KIF17: variants seen among roughly 807,000 people sequenced by gnomAD.
KIF17 encodes the protein kinesin family member 17, also known as kinesin-like protein KIF17.
KIF17 carries 80 observed loss-of-function variants against 96.8 expected under a neutral mutation model. That is an observed-to-expected ratio of 0.83 (90% CI 0.69 to 1.00). KIF17 has a LOEUF of 1.00. Ranked by LOEUF, KIF17 falls within the 50% of genes least tolerant of loss-of-function variation. The pLI is 0.00. For synonymous variants in KIF17, 567 were observed against 587.5 expected (o/e 0.97, Z 0.51); for missense variants, 1,280 against 1,372.9 (o/e 0.93, Z 1.07).
rs765233832 is a variant in KIF17, at chr1:20,704,834, G to A, written c.736C>T (p.Arg246Trp). The change falls in exon 5 of 15, where the codon CGG becomes TGG. Residue 246 changes from arginine (R) to tryptophan (W), a missense_variant. By Grantham distance (101) the Arg-to-Trp change is moderately radical. Coordinates refer to ENST00000400463, the MANE Select transcript of KIF17 (RefSeq NM_001122819.3). The surrounding 1 kb of genome is among the most constrained non-coding windows in gnomAD (Gnocchi z 6.8). ...CCCGTGGCCCCGGTCTTGGACTGCC[G>A]CTCGCTGCCCGCCAGGTCCACCAGG... ...LNLVDLAGSE[R>W]QSKTGATGER... 1.1e-5 allele frequency: 18 copies of A among 1,605,340 alleles called. No individual in the cohort carries two copies. In the Middle Eastern group the frequency reaches 6.6e-4, roughly 59 times the overall value.
intron 4 of KIF17, among the ~76,000 whole-genome samples, chr1:20,707,240 A>C (rs573045761): frequency 6.6e-6 from 1 of 152,326 alleles, no homozygotes; most frequent in African/African-American, 2.4e-5. Flanking sequence ...CTCAGATGAG[A>C]AAAAGCTTTG....
chr1:20,704,997 G>A lies in KIF17; in HGVS notation c.671-98C>T, dbSNP rs1570474249. On this transcript the variant is annotated intron_variant, in intron 4 of 14. Transcript: ENST00000400463. This position sits in a 1 kb window ranked among gnomAD's most constrained non-coding sequence, Gnocchi z 6.8. ...ACTGGGTGCTCAATGCCCACCCACC[G>A]AGGGTTCCCCTCAGCTGCACAGGAG... is the stretch of plus-strand genomic sequence containing the variant. 1.9e-5 allele frequency: 21 copies of A among 1,096,278 alleles called. No homozygotes were observed. The highest frequency in any genetic ancestry group is 2.4e-5 in the Non-Finnish European group (18 of 735,544). 67.9% of individuals were successfully genotyped at this position (1,096,278 alleles called of 1,614,324 possible).
chr1:20,682,715 A>G lies in KIF17; in HGVS notation c.2401T>C (p.Tyr801His). Residue 801 changes from tyrosine to histidine, a missense_variant, in exon 11 of 15, where the codon TAC becomes CAC. By Grantham distance (83) the Tyr-to-His change is moderately conservative. Transcript: ENST00000400463. Reference sequence around the variant, plus strand: ...CGCACTTCCTCCTGGATGGAGTCGTAGACGTTAAGCAGCACCCAGTCCCCG... The same window carrying G: ...CGCACTTCCTCCTGGATGGAGTCGTGGACGTTAAGCAGCACCCAGTCCCCG... ...DSGDWVLLNVYDSIQEEVRAK... is the reference protein window; with the variant it reads ...DSGDWVLLNVHDSIQEEVRAK... 6.2e-7 allele frequency: 1 copy of G among 1,613,836 alleles called. No homozygotes were observed. The highest frequency in any genetic ancestry group is 8.5e-7 in the Non-Finnish European group (1 of 1,180,024).
chr1:20,715,306 G>A (rs1247218682), intron 2 of KIF17, among the ~76,000 whole-genome samples, 187 bp downstream of exon 2: 1 of 152,224 alleles, frequency 6.6e-6, no homozygotes, highest in Non-Finnish European at 1.5e-5. Flanking sequence ...TGAGAGAAAA[G>A]CATGGACAGA....
rs141623204 is a variant in KIF17 at position 20,687,446 on chromosome 1, G to A, written c.1880C>T (p.Ser627Phe). The change falls in exon 8 of 15, where the codon TCC becomes TTC. Residue 627 changes from serine to phenylalanine, a missense_variant. Ser to Phe is a radical substitution (Grantham distance 155). Transcript: ENST00000400463. This position sits in a 1 kb window ranked among gnomAD's most constrained non-coding sequence, Gnocchi z 4.4. ...AEVEAKLARLSSTVARTDAPQ... is the reference protein window; with the variant it reads ...AEVEAKLARLFSTVARTDAPQ... ...TGCATCTGTCCTGGCCACGGTGGAGGAGAGTCTGGCCAGCTTGGCTTCCAC... is the reference window on the plus strand; with the variant it reads ...TGCATCTGTCCTGGCCACGGTGGAGAAGAGTCTGGCCAGCTTGGCTTCCAC... The A allele has an allele frequency of 7.4e-6, 12 of 1,613,982 alleles. No individual in the cohort carries two copies. The highest frequency in any genetic ancestry group is 1.7e-5 in the Admixed American group (1 of 60,030).
chr1:20,674,531 C>T (rs1172400439), intron 11 of KIF17, among the ~76,000 whole-genome samples: 1 of 151,160 alleles, frequency 6.6e-6, no homozygotes, highest in Non-Finnish European at 1.5e-5. Flanking sequence ...TCCCAAAGTG[C>T]TGGGATTATA....
In KIF17 at chr1:20,712,750, A is replaced by T. The variant is rs184369175; in HGVS notation, c.480+704T>A. ...TATATCTATATATATTATATATATA[A>T]AATTATATTATATCTATATATAATA... On this transcript the variant is annotated intron_variant, in intron 3 of 14. Transcript: ENST00000400463. Among the ~76,000 whole-genome samples, 76 of 32,584 alleles carry T rather than the reference A, an allele frequency of 2.3e-3. 10 individuals carry two copies. Among genetic ancestry groups the T allele is most frequent in the Non-Finnish European group, 4.2e-3 (57 of 13,636 alleles). 21.4% of individuals were successfully genotyped at this position (32,584 alleles called of 152,430 possible).
Position 20,684,916 on chromosome 1 carries a change from C to A in KIF17, c.2124G>T (p.Glu708Asp). ...TCACACCAGCTGTGGCCGGCAGGGG[C>A]TCAGGCTGAGCCACCAGGGCCACCG... ...QAPVALVAQP[E>D]PLPATAGVKR... The change falls in exon 10 of 15, where the codon GAG (glutamate) becomes GAT (aspartate). Residue 708 changes from glutamate to aspartate, a missense_variant. Physicochemically the swap from Glu to Asp is conservative, Grantham distance 45 (BLOSUM62 2). Transcript: ENST00000400463. 1.3e-6 allele frequency: 2 copies of A among 1,595,332 alleles called. No homozygotes were observed. The highest frequency in any genetic ancestry group is 1.7e-6 in the Non-Finnish European group (2 of 1,171,596).
In KIF17 at chr1:20,670,480, C is replaced by T. The variant is rs1476561096; in HGVS notation, c.2731G>A (p.Gly911Arg). ...TTGCGGGCTGGTTTGTTCTGTGGCC[C>T]AGTTGAAACTGCTATGAGAAAACAA... The part of the protein sequence containing the change: ...TKTSLPVVST[G>R]PQNKPARKTS... Residue 911 changes from glycine (G) to arginine (R), a missense_variant, in exon 13 of 15, where the codon GGG becomes AGG. Transcript: ENST00000400463. 1.2e-6 allele frequency: 2 copies of T among 1,614,020 alleles called. No individual in the cohort carries two copies. Among genetic ancestry groups the T allele is most frequent in the South Asian group, 1.1e-5 (1 of 91,082 alleles).
intron 1 of KIF17, among the ~76,000 whole-genome samples, chr1:20,716,930 T>C (rs2054587900): frequency 1.3e-5 from 2 of 152,116 alleles, no homozygotes; most frequent in South Asian, 2.1e-4. Flanking sequence ...GCCCAGAGAA[T>C]TGTTCTGAGA....
chr1:20,701,222 C>T (rs1331003424), intron 5 of KIF17, among the ~76,000 whole-genome samples: 2 of 152,070 alleles, frequency 1.3e-5, no homozygotes, highest in African/African-American at 4.8e-5. Flanking sequence ...TCACGAGGTC[C>T]TGATTGAGAC....
At chr1:20,691,931 T>A (rs1213839510) in intron 6 of KIF17, among the ~76,000 whole-genome samples, 2 of 152,168 alleles carry the variant, frequency 1.3e-5, no homozygotes, top group Non-Finnish European at 2.9e-5. Flanking sequence ...TTCACCCACT[T>A]CTCTCCATCT....
Position 20,712,632 on chromosome 1 carries a change from A to ATATATATAATATAGATAATATTATC in KIF17, c.480+797_480+821dup, listed in dbSNP as rs1244138684. On this transcript the variant is annotated intron_variant, in intron 3 of 14. Coordinates refer to ENST00000400463, the MANE Select transcript of KIF17 (RefSeq NM_001122819.3). ...TATATATATAATATAGATAATATCTATATATATAATATAGATAATATTATC... is the reference window on the plus strand; with the variant it reads ...TATATATATAATATAGATAATATCTATATATATAATATAGATAATATTATCTATATATAATATAGATAATATTATC... Among the ~76,000 whole-genome samples the ATATATATAATATAGATAATATTATC allele has an allele frequency of 7.2e-3, 194 of 26,832 alleles. 11 individuals are homozygous for ATATATATAATATAGATAATATTATC. Among genetic ancestry groups the ATATATATAATATAGATAATATTATC allele is most frequent in the African/African-American group, 0.019 (167 of 8,662 alleles). The allele number at this position is 26,832 out of a possible 152,430, so 17.6% of individuals were successfully genotyped here.
In KIF17 at chr1:20,690,060, G is replaced by A. The variant is rs536207814; in HGVS notation, c.1381+128C>T. 434 of 982,848 alleles carry A rather than the reference G, an allele frequency of 4.4e-4. 3 individuals are homozygous for A. The highest frequency in any genetic ancestry group is 3.7e-3 in the South Asian group (257 of 70,236). The allele number at this position is 982,848 out of a possible 1,614,324, so 60.9% of individuals were successfully genotyped here. A position where few individuals can be genotyped will look rare whatever the true frequency, so the allele number is the denominator to read the frequency against. On this transcript the variant is annotated intron_variant, in intron 7 of 14. Coordinates refer to ENST00000400463, the MANE Select transcript of KIF17 (RefSeq NM_001122819.3). Reference sequence around the variant, plus strand: ...CATAATTGTGGTACCTACCTTACTGGACCATTGTGAGGATAAAACAGACCT... The same window carrying A: ...CATAATTGTGGTACCTACCTTACTGAACCATTGTGAGGATAAAACAGACCT...
At chr1:20,682,632 G>A in intron 11 of KIF17, 21 bp downstream of exon 11, 1 of 1,608,324 alleles carries the variant, frequency 6.2e-7, no homozygotes, top group Middle Eastern at 1.7e-4. Context: ...CTGGGCATGG[G>A]GGGCTGCATC....
chr1:20,664,830 G>A, intron 14 of KIF17, 68 bp from the exon 15 acceptor site: 1 of 1,452,658 alleles, frequency 6.9e-7, no homozygotes, highest in East Asian at 2.3e-5. Flanking sequence ...TGCCCCAAGT[G>A]GGTAGGATGG....
At position 20,682,721 on chromosome 1, in the gene KIF17, T is replaced by C. The variant is rs1317544011; in HGVS notation, c.2395A>G (p.Asn799Asp). The change falls in exon 11 of 15, where the codon AAC becomes GAC. Residue 799 changes from asparagine (N) to aspartate (D), a missense_variant. Physicochemically the swap from Asn to Asp is conservative, Grantham distance 23. Coordinates refer to ENST00000400463, the MANE Select transcript of KIF17 (RefSeq NM_001122819.3). The part of the protein sequence containing the change: ...DEDSGDWVLL[N>D]VYDSIQEEVR... The stretch of plus-strand genomic sequence containing the variant: ...TCCTCCTGGATGGAGTCGTAGACGT[T>C]AAGCAGCACCCAGTCCCCGCTGTCC... 1 of 1,613,720 alleles carries C rather than the reference T, an allele frequency of 6.2e-7. No homozygotes were observed. The highest frequency in any genetic ancestry group is 1.3e-5 in the African/African-American group (1 of 74,912).
chr1:20,699,052 T>C lies in KIF17; in HGVS notation c.1124-564A>G, dbSNP rs1570466512. ...GAGGCCTCAAATTCCTGGGCTCAAA[T>C]GATCCTCCCACCTGAGCCTCCTGAG... On this transcript the variant is annotated intron_variant, in intron 5 of 14. Coordinates refer to ENST00000400463, the MANE Select transcript of KIF17 (RefSeq NM_001122819.3). This position sits in a 1 kb window ranked among gnomAD's most constrained non-coding sequence, Gnocchi z 4.3. 6.6e-6 allele frequency among the ~76,000 whole-genome samples: 1 copy of C among 152,140 alleles called. No homozygotes were observed. The highest frequency in any genetic ancestry group is 1.9e-4 in the East Asian group (1 of 5,192).
At chr1:20,708,845 T>C (rs2054387922) in intron 4 of KIF17, among the ~76,000 whole-genome samples, 1 of 152,170 alleles carries the variant, frequency 6.6e-6, no homozygotes, top group African/African-American at 2.4e-5. Context: ...CCTTCCTCTT[T>C]GCTTTCTCGG....
Sources: gnomAD v4.1 joint callset for allele counts (sites outside exome capture counted in the v4.1 genomes callset) on GRCh38, gnomAD v4.1.1 for gene constraint, Gnocchi (gnomAD v3.1) non-coding constraint, MANE v1.5 for transcripts, NCBI Gene and HGNC (gene_info 2026-07-23, HGNC 2026-07-21) for gene names.